The following CASS4 variants were observed in gnomAD, a reference collection of about 807,000 sequenced individuals.
The protein encoded by CASS4 is cas scaffolding protein family member 4.
In CASS4, 22 loss-of-function variants were observed where a neutral mutation model predicts 54.2. The ratio of observed to expected loss-of-function variants is 0.41; its 90% CI spans 0.29 to 0.58. The LOEUF is 0.58. CASS4 is among the 20% of genes least tolerant of loss of function. The pLI is 0.36. For missense variants in CASS4, 854 were observed against 986.7 expected (o/e 0.87, Z 1.80); for synonymous variants, 409 against 391.5 (o/e 1.04, Z -0.53).
chr20:56,452,164 A>G lies in CASS4; in HGVS notation c.988A>G (p.Lys330Glu). 3.1e-6 allele frequency: 5 copies of G among 1,614,144 alleles called. No homozygotes were observed. The South Asian group carries it at 3.3e-5, about 11-fold the overall frequency. ...TFPLDEDVSYKVPSSFLIPRV... is the reference protein window; with the variant it reads ...TFPLDEDVSYEVPSSFLIPRV... ...TCCTTTGGATGAAGATGTCAGCTAC[A>G]AGGTTCCTTCAAGCTTTCTGATTCC... Residue 330 changes from lysine to glutamate, a missense_variant, in exon 5 of 6, where the codon AAG (lysine) becomes GAG (glutamate). By Grantham distance (56) the Lys-to-Glu change is moderately conservative. Coordinates refer to ENST00000679887, the MANE Select transcript of CASS4 (RefSeq NM_020356.4).
intron 1 of CASS4, among the ~76,000 whole-genome samples, chr20:56,422,464 C>A (rs1370959872): frequency 1.3e-5 from 2 of 152,196 alleles, no homozygotes; most frequent in Non-Finnish European, 2.9e-5. Flanking sequence ...GCCTTAAGTG[C>A]AGCTTAGCAA....
intron 3 of CASS4, among the ~76,000 whole-genome samples, chr20:56,446,995 A>G (rs972590051): frequency 9.2e-5 from 14 of 152,050 alleles, no homozygotes; most frequent in Non-Finnish European, 1.5e-5. Context: ...ATCACTTGAC[A>G]CTAGGAGTTC....
intron 1 of CASS4, among the ~76,000 whole-genome samples, chr20:56,418,830 T>C (rs1007994643): frequency 6.6e-6 from 1 of 152,216 alleles, no homozygotes; most frequent in African/African-American, 2.4e-5. Flanking sequence ...GAATGCCTGC[T>C]GCACACCAGG....
rs746727406 is a variant in CASS4, at chr20:56,452,073, C to T, written c.897C>T (p.Pro299=). 1.9e-6 allele frequency: 3 copies of T among 1,614,198 alleles called. No homozygotes were observed. In the South Asian group the frequency reaches 3.3e-5, roughly 18 times the overall value. ...SLTPQLNNNV[P]MQKKLSLPEI... The stretch of plus-strand genomic sequence containing the variant: ...CTCCACAACTGAATAACAATGTGCC[C>T]ATGCAGAAAAAACTCAGCCTTCCAG... The change falls in exon 5 of 6, where the codon CCC becomes CCT. Residue 299 remains proline (P), a synonymous_variant. Transcript: ENST00000679887.
At chr20:56,447,992 G>T (rs1568679770) in intron 3 of CASS4, among the ~76,000 whole-genome samples, 1 of 152,028 alleles carries the variant, frequency 6.6e-6, no homozygotes, top group Non-Finnish European at 1.5e-5. Context: ...AATACAAAAA[G>T]TTAGCCGGGC....
At chr20:56,445,594 C>T (rs928561808) in intron 2 of CASS4, among the ~76,000 whole-genome samples, 1 of 152,224 alleles carries the variant, frequency 6.6e-6, no homozygotes, top group African/African-American at 2.4e-5. Context: ...CCCCTCGACA[C>T]CCAGAGACTC....
intron 1 of CASS4, among the ~76,000 whole-genome samples, chr20:56,435,724 C>G (rs1057143126): frequency 6.6e-6 from 1 of 152,080 alleles, no homozygotes; most frequent in African/African-American, 2.4e-5. Flanking sequence ...CCCCCTAAGT[C>G]TTTTGTCATT....
chr20:56,431,113 T>TCC (rs568879246), intron 1 of CASS4, among the ~76,000 whole-genome samples: 120 of 152,350 alleles, frequency 7.9e-4, no homozygotes, highest in African/African-American at 2.7e-3. Context: ...AATTAGAATT[T>TCC]AAGTGACCTT....
intron 2 of CASS4, among the ~76,000 whole-genome samples, chr20:56,440,455 C>A (rs1316365069): frequency 6.6e-6 from 1 of 152,120 alleles, no homozygotes; most frequent in Non-Finnish European, 1.5e-5. Flanking sequence ...ACCAGAGGAC[C>A]CTCGAAGACC....
chr20:56,418,538 G>A (rs1456031791), intron 1 of CASS4, among the ~76,000 whole-genome samples: 2 of 152,246 alleles, frequency 1.3e-5, no homozygotes, highest in African/African-American at 4.8e-5. Context: ...TGGGCTGTAA[G>A]TAGGAAAGAG....
chr20:56,430,760 C>T lies in CASS4; in HGVS notation c.37-6404C>T, dbSNP rs1320864402. On this transcript the variant is annotated intron_variant, in intron 1 of 5. Coordinates refer to ENST00000679887, the MANE Select transcript of CASS4 (RefSeq NM_020356.4). This position sits in a 1 kb window ranked among gnomAD's most constrained non-coding sequence, Gnocchi z 4.2. ...GGGCAGCCTCTGCAAAGGGGTGACT[C>T]GAGCTGAGACCCAGAGGAGGAGGAT... is the stretch of plus-strand genomic sequence containing the variant. 6.6e-6 allele frequency among the ~76,000 whole-genome samples: 1 copy of T among 151,990 alleles called. No individual in the cohort carries two copies.
At chr20:56,418,564 G>A (rs73913926) in intron 1 of CASS4, among the ~76,000 whole-genome samples, 5 of 152,358 alleles carry the variant, frequency 3.3e-5, no homozygotes, top group Admixed American at 6.5e-5. Flanking sequence ...GCTGGTAAAC[G>A]TGGAGACTTC....
chr20:56,417,040 T>A (rs777579582), intron 1 of CASS4, among the ~76,000 whole-genome samples: 19 of 152,212 alleles, frequency 1.2e-4, no homozygotes, highest in African/African-American at 2.4e-4. Context: ...TAGAATTTTT[T>A]AAAAAATCTT....
At chr20:56,438,825 C>A (rs893999076) in intron 2 of CASS4, among the ~76,000 whole-genome samples, 5 of 152,166 alleles carry the variant, frequency 3.3e-5, no homozygotes, top group Non-Finnish European at 5.9e-5. Flanking sequence ...CCATTGCTCC[C>A]CAGCCTGGAC....
chr20:56,450,555 G>A (rs1424252487), intron 3 of CASS4, 44 bp from the exon 4 acceptor site: 2 of 1,566,190 alleles, frequency 1.3e-6, no homozygotes, highest in African/African-American at 1.4e-5. Flanking sequence ...GTAGCCATTA[G>A]GAAAGAAACA....
At chr20:56,451,739 T>G (rs1600773396) in intron 4 of CASS4, 80 bp from the exon 5 acceptor site, 2 of 1,002,894 alleles carry the variant, frequency 2.0e-6, no homozygotes, top group Non-Finnish European at 3.0e-6. Flanking sequence ...AGCGGCGGAG[T>G]GACGATGAGA....
rs1980247876 is a variant in CASS4 at position 56,437,507 on chromosome 20, C to T, written c.380C>T (p.Thr127Ile). 12 of 1,593,498 alleles carry T rather than the reference C, an allele frequency of 7.5e-6. No individual in the cohort carries two copies. The highest frequency in any genetic ancestry group is 1.0e-5 in the Non-Finnish European group (12 of 1,170,118). The part of the protein sequence containing the change: ...RSWAEGPQPP[T>I]AQVYEFPDPP... ...TGGGCGGAGGGGCCCCAGCCCCCTA[C>T]TGCCCAAGTCTATGAATTCCCCGAC... Residue 127 changes from threonine (T) to isoleucine (I), a missense_variant, in exon 2 of 6, where the codon ACT (threonine) becomes ATT (isoleucine). Physicochemically the swap from Thr to Ile is moderately conservative, Grantham distance 89 (BLOSUM62 -1). Transcript: ENST00000679887. The surrounding 1 kb of genome is among the most constrained non-coding windows in gnomAD (Gnocchi z 4.7).
rs200829230 is a variant in CASS4 at position 56,458,337 on chromosome 20, T to C, written c.1954-3T>C. 8.2e-5 allele frequency: 132 copies of C among 1,600,266 alleles called. 1 individual carries two copies. In the African/African-American group the frequency reaches 1.5e-3, roughly 18 times the overall value. ...TATCTATTTTCTTCCTTCCCTTCTT[T>C]AGAATCCTGGCCCTCTTATACCTCA... On this transcript the variant is annotated splice_region_variant and splice_polypyrimidine_tract_variant and intron_variant, in intron 5 of 5. Coordinates refer to ENST00000679887, the MANE Select transcript of CASS4 (RefSeq NM_020356.4).
chr20:56,412,607 G>T lies in CASS4; in HGVS notation c.36+113G>T. On this transcript the variant is annotated intron_variant, in intron 1 of 5. Coordinates refer to ENST00000679887, the MANE Select transcript of CASS4 (RefSeq NM_020356.4). The surrounding 1 kb of genome is among the most constrained non-coding windows in gnomAD (Gnocchi z 4.2). ...CTAATAAAGGTTGAATACCAGTGACGTGTGAGTTGGAGATGGGAAAGTTTA... is the reference window on the plus strand; with the variant it reads ...CTAATAAAGGTTGAATACCAGTGACTTGTGAGTTGGAGATGGGAAAGTTTA... 9.2e-7 allele frequency: 1 copy of T among 1,081,680 alleles called. No homozygotes were observed. Among genetic ancestry groups the T allele is most frequent in the East Asian group, 2.6e-5 (1 of 37,840 alleles). The allele number at this position is 1,081,680 out of a possible 1,614,324, so 67.0% of individuals were successfully genotyped here. A position where few individuals can be genotyped will look rare whatever the true frequency, so the allele number is the denominator to read the frequency against.
Sources: allele counts gnomAD v4.1 joint callset (sites outside exome capture counted in the v4.1 genomes callset), GRCh38; gene constraint gnomAD v4.1.1; non-coding constraint Gnocchi (gnomAD v3.1); transcripts MANE v1.5; gene names NCBI Gene and HGNC (gene_info 2026-07-23, HGNC 2026-07-21).